Variants in ANAPC10 observed in about 807,000 individuals in gnomAD.
The protein encoded by ANAPC10 is anaphase-promoting complex subunit 10.
In ANAPC10, 12 loss-of-function variants were observed where a neutral mutation model predicts 22.0. That is an observed-to-expected ratio of 0.55 (90% CI 0.35 to 0.88). The LOEUF is 0.88. ANAPC10 is among the 40% of genes least tolerant of loss of function. The probability of loss-of-function intolerance (pLI) is 0.01; values close to 1 mark genes in which losing one functional copy is unlikely to be tolerated. For synonymous variants in ANAPC10, 65 were observed against 69.5 expected, an observed-to-expected ratio of 0.94 and a Z score of 0.32; for missense variants, 188 against 220.9, an observed-to-expected ratio of 0.85 and a Z score of 0.94.
chr4:145,079,680 T>C (rs1004322050), intron 3 of ANAPC10, among the ~76,000 whole-genome samples: 2 of 152,186 alleles, frequency 1.3e-5, no homozygotes, highest in African/African-American at 2.4e-5. Context: ...ACATACACCA[T>C]GGAACACCAC....
intron 4 of ANAPC10, among the ~76,000 whole-genome samples, chr4:145,025,207 T>C (rs1400957289): frequency 6.6e-6 from 1 of 152,168 alleles, no homozygotes; most frequent in Non-Finnish European, 1.5e-5. Flanking sequence ...TTCTCCATAT[T>C]AGCAATAAGG....
At chr4:145,026,128 A>G (rs556235603) in intron 4 of ANAPC10, among the ~76,000 whole-genome samples, 1 of 152,148 alleles carries the variant, frequency 6.6e-6, no homozygotes, top group East Asian at 1.9e-4. Context: ...TACAAATCTC[A>G]CCTCCCATCC....
At position 145,046,563 on chromosome 4, in the gene ANAPC10, C is replaced by T. The variant is rs1331472641; in HGVS notation, c.327+18009G>A. ...GTGCTCCAGTATGTGAAGTTATTAG[C>T]TAAATACTAGGAAGCTTAAAATTGC... is the stretch of plus-strand genomic sequence containing the variant. On this transcript the variant is annotated intron_variant, in intron 4 of 4. Coordinates refer to ENST00000507656, the MANE Select transcript of ANAPC10 (RefSeq NM_001256706.2). Among the ~76,000 whole-genome samples, 4 of 152,108 alleles carry T rather than the reference C, an allele frequency of 2.6e-5. 1 individual carries two copies. Among genetic ancestry groups the T allele is most frequent in the African/African-American group, 7.2e-5 (3 of 41,528 alleles).
chr4:145,056,166 T>C (rs1742040268), intron 4 of ANAPC10, among the ~76,000 whole-genome samples: 1 of 152,082 alleles, frequency 6.6e-6, no homozygotes, highest in Non-Finnish European at 1.5e-5. Flanking sequence ...AGATACAAGG[T>C]CAGCATAAGA....
chr4:145,070,287 T>C (rs566535190), intron 3 of ANAPC10, among the ~76,000 whole-genome samples: 26 of 152,258 alleles, frequency 1.7e-4, no homozygotes, highest in Admixed American at 1.5e-3. Context: ...AGTTGAGCAA[T>C]TGCAGCAGGA....
At position 145,073,987 on chromosome 4, in the gene ANAPC10, C is replaced by T. The variant is rs557193567; in HGVS notation, c.206+7673G>A. Among the ~76,000 whole-genome samples, 14 of 152,000 alleles carry T rather than the reference C, an allele frequency of 9.2e-5. No homozygotes were observed. In the East Asian group the frequency reaches 2.7e-3, roughly 29 times the overall value. On this transcript the variant is annotated intron_variant, in intron 3 of 4. Transcript: ENST00000507656. ...ATCCTTTTAAATCAGCAAACAAGTA[C>T]ATTAGTCCCTATAATCCATATTAAA... is the stretch of plus-strand genomic sequence containing the variant.
chr4:145,037,379 T>G (rs1035374522), intron 4 of ANAPC10, among the ~76,000 whole-genome samples: 1 of 152,142 alleles, frequency 6.6e-6, no homozygotes, highest in African/African-American at 2.4e-5. Flanking sequence ...TTTTTAAATG[T>G]TTTATTATGC....
chr4:145,042,837 G>A (rs1739710123), intron 4 of ANAPC10, among the ~76,000 whole-genome samples: 1 of 151,700 alleles, frequency 6.6e-6, no homozygotes, highest in Non-Finnish European at 1.5e-5. Context: ...CTCTGGAGGT[G>A]CTGGCACAAT....
Position 145,003,224 on chromosome 4 carries a change from C to T in ANAPC10, c.328-7621G>A, listed in dbSNP as rs115064028. 6.1e-3 allele frequency among the ~76,000 whole-genome samples: 926 copies of T among 152,204 alleles called. 11 individuals are homozygous for T. Among genetic ancestry groups the T allele is most frequent in the African/African-American group, 0.022 (900 of 41,526 alleles). On this transcript the variant is annotated intron_variant, in intron 4 of 4. Transcript: ENST00000507656. ...TCTCTTTTATGGCTGCACAGTATTC[C>T]ATTATGTGAAATTTGGAATTCCAAA...
At chr4:145,012,078 G>C (rs1299134494) in intron 4 of ANAPC10, among the ~76,000 whole-genome samples, 1 of 151,808 alleles carries the variant, frequency 6.6e-6, no homozygotes, top group Non-Finnish European at 1.5e-5. Context: ...GGGAGAAAAA[G>C]TGAACTTTCC....
chr4:145,068,408 A>C (rs1744015239), intron 3 of ANAPC10, among the ~76,000 whole-genome samples: 1 of 152,204 alleles, frequency 6.6e-6, no homozygotes, highest in South Asian at 2.1e-4. Context: ...CTTAAAACTA[A>C]ATATATGTGA....
intron 4 of ANAPC10, among the ~76,000 whole-genome samples, chr4:145,029,081 T>C (rs937085051): frequency 3.3e-5 from 5 of 152,024 alleles, no homozygotes; most frequent in African/African-American, 9.7e-5. Context: ...AGGGCATTGA[T>C]TGGAAAAGAA....
chr4:145,004,735 G>A (rs1733087540), intron 4 of ANAPC10, among the ~76,000 whole-genome samples: 1 of 152,132 alleles, frequency 6.6e-6, no homozygotes, highest in South Asian at 2.1e-4. Context: ...TGTGTTGCTG[G>A]ATTCAGTTTG....
At chr4:145,042,889 T>A (rs981601879) in intron 4 of ANAPC10, among the ~76,000 whole-genome samples, 1 of 151,652 alleles carries the variant, frequency 6.6e-6, no homozygotes, top group Non-Finnish European at 1.5e-5. Flanking sequence ...TGTACATCTT[T>A]AAAATAACAG....
In ANAPC10 at chr4:145,061,232, G is replaced by A. The variant is rs2126439689; in HGVS notation, c.327+3340C>T. On this transcript the variant is annotated intron_variant, in intron 4 of 4. Transcript: ENST00000507656. ...ATGGCTAATGTTTCAGCACTTAGAT[G>A]ACATAATAGAAGCAAAGACTAGATT... 2.0e-5 allele frequency among the ~76,000 whole-genome samples: 3 copies of A among 152,234 alleles called. No homozygotes were observed. The South Asian group carries it at 6.2e-4, about 32-fold the overall frequency.
At chr4:145,034,597 CTA>C (rs1407740909) in intron 4 of ANAPC10, among the ~76,000 whole-genome samples, 1 of 139,546 alleles carries the variant, frequency 7.2e-6, no homozygotes, top group East Asian at 2.1e-4. Flanking sequence ...CATACATATC[CTA>C]TATATATTAT....
intron 4 of ANAPC10, among the ~76,000 whole-genome samples, chr4:145,026,873 A>T (rs572119900): frequency 8.0e-5 from 11 of 136,712 alleles, no homozygotes; most frequent in East Asian, 2.2e-4. Context: ...GAACAAGAAG[A>T]AGTCTTAGAA....
intron 4 of ANAPC10, among the ~76,000 whole-genome samples, chr4:145,007,117 C>T (rs1336620827): frequency 2.6e-5 from 4 of 152,100 alleles, no homozygotes; most frequent in Non-Finnish European, 2.9e-5. Flanking sequence ...GCACCCAATA[C>T]GGGAGCACCC....
intron 4 of ANAPC10, among the ~76,000 whole-genome samples, chr4:145,004,545 T>A (rs1418084036): frequency 1.3e-5 from 2 of 152,148 alleles, no homozygotes. Flanking sequence ...AGGGTTTTTA[T>A]CATGAAAGGA....
Sources: allele counts gnomAD v4.1 joint callset (sites outside exome capture counted in the v4.1 genomes callset), GRCh38; gene constraint gnomAD v4.1.1; transcripts MANE v1.5; gene names NCBI Gene and HGNC (gene_info 2026-07-23, HGNC 2026-07-21).